PABIR3: variants seen among roughly 807,000 people sequenced by gnomAD.
PABIR3 encodes PABIR family member 3.
A neutral mutation model predicts 23.1 loss-of-function variants in PABIR3; 20 were observed. That is an observed-to-expected ratio of 0.86 (90% confidence interval 0.61 to 1.26). The LOEUF is 1.26. Among genes scored for constraint, PABIR3 ranks in the 50% most tolerant of loss-of-function variants. PABIR3 has a pLI of 0.00. For synonymous variants in PABIR3, 69 were observed against 68.5 expected, an observed-to-expected ratio of 1.01 and a Z score of -0.04; for missense variants, 189 against 195.4, an observed-to-expected ratio of 0.97 and a Z score of 0.20.
chrX:134,863,676 G>A, the PABIR3 span, among the ~76,000 whole-genome samples: 1 of 111,598 alleles, frequency 9.0e-6, no homozygotes, highest in Non-Finnish European at 1.9e-5. Context: ...GGGGTTCATG[G>A]TGATGTGTAG....
chrX:134,856,192 T>A (rs1427431673), downstream of PABIR3, among the ~76,000 whole-genome samples: 7 of 107,696 alleles, frequency 6.5e-5, no homozygotes, highest in Admixed American at 1.0e-4. Flanking sequence ...TCAGTTATTT[T>A]TTTTTTTTTT....
At chrX:134,805,170 G>A (rs1041049282), upstream of PABIR3, among the ~76,000 whole-genome samples, 3 of 111,709 alleles carry the variant, frequency 2.7e-5, no homozygotes, top group African/African-American at 9.8e-5. Flanking sequence ...GAGGAATCTT[G>A]GCTTTGCCAC....
chrX:134,814,797 A>T lies in PABIR3; in HGVS notation c.137A>T (p.Asp46Val). 1 of 1,201,812 alleles carries T rather than the reference A, an allele frequency of 8.3e-7. No homozygotes were observed. Among genetic ancestry groups the T allele is most frequent in the Non-Finnish European group, 1.1e-6 (1 of 890,657 alleles). The change falls in exon 3 of 11, where the codon GAC becomes GTC. Residue 46 changes from aspartate to valine, a missense_variant. Asp to Val is a radical substitution (Grantham distance 152). Coordinates refer to ENST00000645433, the MANE Select transcript of PABIR3 (RefSeq NM_001388447.1). Reference sequence around the variant, plus strand: ...TTTAATTCACAGGTGTTGCAAGCTGACATGTTAAGAATTAGGACAAACAGA... The same window carrying T: ...TTTAATTCACAGGTGTTGCAAGCTGTCATGTTAAGAATTAGGACAAACAGA... The part of the protein sequence containing the change: ...LGFNSQVLQA[D>V]MLRIRTNRTT...
At chrX:134,814,739 T>C (rs761208817) in intron 2 of PABIR3, 32 bp from the exon 3 acceptor site, 1 of 1,059,887 alleles carries the variant, frequency 9.4e-7, no homozygotes, top group Non-Finnish European at 1.3e-6. Context: ...TAATGGATTT[T>C]ATATAACACA....
intron 4 of PABIR3, among the ~76,000 whole-genome samples, chrX:134,835,988 C>G (rs1251272010): frequency 8.9e-6 from 1 of 111,956 alleles, no homozygotes; most frequent in African/African-American, 3.2e-5. Flanking sequence ...CAGGCACCCA[C>G]CACCACACCT....
intron 4 of PABIR3, among the ~76,000 whole-genome samples, chrX:134,833,920 A>G (rs1409581447): frequency 8.9e-6 from 1 of 111,930 alleles, no homozygotes; most frequent in Non-Finnish European, 1.9e-5. Context: ...TCTATCATTG[A>G]TGGGCATTCA....
intron 4 of PABIR3, among the ~76,000 whole-genome samples, chrX:134,842,543 G>A (rs60680752): frequency 0.011 from 1,275 of 111,034 alleles, 21 homozygotes; most frequent in African/African-American, 0.041. Context: ...GGGAGGTGGA[G>A]CTTGCAGTGA....
chrX:134,796,863 G>A (rs1409070308), exon 1 of PABIR3: 2 of 112,059 alleles, frequency 1.8e-5, no homozygotes, highest in Non-Finnish European at 3.8e-5. Flanking sequence ...CCTGACAGTC[G>A]GGTAGGACCC....
intron 1 of PABIR3, among the ~76,000 whole-genome samples, chrX:134,800,434 C>T (rs375932493): frequency 9.1e-6 from 1 of 110,152 alleles, no homozygotes; most frequent in Non-Finnish European, 1.9e-5. Flanking sequence ...GCACTCAGCC[C>T]GGGCAACAGA....
At chrX:134,809,767 T>G in intron 2 of PABIR3, 4 of 743,700 alleles carry the variant, frequency 5.4e-6, no homozygotes, top group Non-Finnish European at 6.4e-6. Context: ...GAAGCTCTGT[T>G]TCCTGACTCC....
chrX:134,823,473 G>A (rs1446703838), intron 3 of PABIR3, among the ~76,000 whole-genome samples: 1 of 111,141 alleles, frequency 9.0e-6, no homozygotes, highest in Non-Finnish European at 1.9e-5. Flanking sequence ...TGAATTAAAC[G>A]TATTAAAATT....
In PABIR3 at chrX:134,823,159, A is replaced by G. The variant is rs756034457; in HGVS notation, c.190-6067A>G. Among the ~76,000 whole-genome samples, 5 of 111,836 alleles carry G rather than the reference A, an allele frequency of 4.5e-5. No individual in the cohort carries two copies. In the South Asian group the frequency reaches 1.8e-3, roughly 41 times the overall value. On this transcript the variant is annotated intron_variant, in intron 3 of 10. Transcript: ENST00000645433. ...CGTCTCAAAAAAAAAAAGAAAAAAT[A>G]TGTATAACAAATCCTGGTGACACAT...
intron 3 of PABIR3, among the ~76,000 whole-genome samples, chrX:134,828,250 A>G (rs2148248629): frequency 1.9e-5 from 2 of 107,828 alleles, no homozygotes; most frequent in Middle Eastern, 4.8e-3. Context: ...GCCACCACGC[A>G]TGGCTAATTT....
chrX:134,858,155 A>G (rs2082758403), downstream of PABIR3, among the ~76,000 whole-genome samples: 1 of 111,951 alleles, frequency 8.9e-6, no homozygotes, highest in Non-Finnish European at 1.9e-5. Flanking sequence ...CAATGCAGAA[A>G]TCCTTTTAAG....
intron 2 of PABIR3, chrX:134,809,386 T>G (rs186405650): frequency 3.9e-5 from 12 of 306,047 alleles, no homozygotes; most frequent in Non-Finnish European, 5.2e-5. Flanking sequence ...AGGATGGTCT[T>G]GATCTCCTGA....
At chrX:134,822,862 G>A (rs1000586396) in intron 3 of PABIR3, 2 of 131,000 alleles carry the variant, frequency 1.5e-5, no homozygotes, top group Non-Finnish European at 2.9e-5. Context: ...AACAGGCCAG[G>A]CGCGGTGGCT....
At chrX:134,832,655 A>G (rs2081843613) in intron 4 of PABIR3, among the ~76,000 whole-genome samples, 1 of 110,661 alleles carries the variant, frequency 9.0e-6, no homozygotes, top group Non-Finnish European at 1.9e-5. Context: ...TGCCTGCCTC[A>G]GCCTCCCAAA....
chrX:134,863,793 C>T, the PABIR3 span, among the ~76,000 whole-genome samples: 5 of 111,342 alleles, frequency 4.5e-5, no homozygotes, highest in Non-Finnish European at 9.4e-5. Context: ...ATTCTTTTTG[C>T]CATTCCTCCT....
chrX:134,808,335 G>A (rs2080374865), intron 2 of PABIR3, among the ~76,000 whole-genome samples: 1 of 109,749 alleles, frequency 9.1e-6, no homozygotes, highest in Non-Finnish European at 1.9e-5. Context: ...GATTACAGGC[G>A]CCCACCACCA....
Sources: gnomAD v4.1 joint callset for allele counts (sites outside exome capture counted in the v4.1 genomes callset) on GRCh38, gnomAD v4.1.1 for gene constraint, MANE v1.5 for transcripts, NCBI Gene and HGNC (gene_info 2026-07-23, HGNC 2026-07-21) for gene names.